C1orf21: variants seen among roughly 807,000 people sequenced by gnomAD.
C1orf21 encodes uncharacterized protein C1orf21.
C1orf21 carries 3 observed loss-of-function variants against 18.7 expected under a neutral mutation model. The ratio of observed to expected loss-of-function variants is 0.16; its 90% CI spans 0.07 to 0.42. The LOEUF is 0.42. C1orf21 is among the 10% of genes least tolerant of loss of function. The pLI, the probability that C1orf21 is intolerant of heterozygous loss-of-function variation, is 0.99. For synonymous variants in C1orf21, 41 were observed against 46.4 expected, an observed-to-expected ratio of 0.88 and a Z score of 0.47; for missense variants, 104 against 143.6, an observed-to-expected ratio of 0.72 and a Z score of 1.41.
At chr1:184,467,731 A>G (rs904273430) in intron 1 of C1orf21, among the ~76,000 whole-genome samples, 2 of 152,162 alleles carry the variant, frequency 1.3e-5, no homozygotes, top group Non-Finnish European at 2.9e-5. Context: ...CTATTCCATT[A>G]CATAATAATG....
chr1:184,414,901 G>A (rs1404941927), intron 1 of C1orf21, among the ~76,000 whole-genome samples: 1 of 152,132 alleles, frequency 6.6e-6, no homozygotes, highest in African/African-American at 2.4e-5. Context: ...TTTTGTGTGG[G>A]GGGAAAGCAA....
intron 3 of C1orf21, among the ~76,000 whole-genome samples, chr1:184,582,666 A>G (rs901452018): frequency 5.9e-5 from 9 of 152,230 alleles, no homozygotes; most frequent in African/African-American, 2.2e-4. Flanking sequence ...AGGGAACCTT[A>G]CAGGGCAACA....
intron 1 of C1orf21, among the ~76,000 whole-genome samples, chr1:184,471,172 C>T (rs1004017531): frequency 6.6e-6 from 1 of 152,136 alleles, no homozygotes; most frequent in African/African-American, 2.4e-5. Flanking sequence ...ATTGCACCAA[C>T]TTTTTCTAAC....
Position 184,561,934 on chromosome 1 carries a change from C to T in C1orf21, c.190-28805C>T, listed in dbSNP as rs138627130. Among the ~76,000 whole-genome samples, 346 of 152,110 alleles carry T rather than the reference C, an allele frequency of 2.3e-3. 3 individuals are homozygous for T. The highest frequency in any genetic ancestry group is 6.9e-3 in the African/African-American group (285 of 41,494). On this transcript the variant is annotated intron_variant, in intron 3 of 5. Transcript: ENST00000235307. The stretch of plus-strand genomic sequence containing the variant: ...AAACATGTTCCTTTGGGCACTTCCC[C>T]CCACCCCCAGTTTTCTTTCTTTCTT...
intron 1 of C1orf21, among the ~76,000 whole-genome samples, chr1:184,421,498 A>T (rs1470047269): frequency 5.3e-5 from 8 of 152,232 alleles, no homozygotes. Flanking sequence ...AATATTCAAC[A>T]TATGCCAGCA....
chr1:184,407,360 G>A (rs546545312), intron 1 of C1orf21, among the ~76,000 whole-genome samples: 5 of 152,076 alleles, frequency 3.3e-5, no homozygotes, highest in Admixed American at 2.6e-4. Context: ...TCTAAAATGG[G>A]AAAAAAATGA....
intron 3 of C1orf21, among the ~76,000 whole-genome samples, chr1:184,589,522 A>G (rs6424958): frequency 0.58 from 88,733 of 152,104 alleles, 28,088 homozygotes; most frequent in African/African-American, 0.85. Flanking sequence ...GTGTTCATCT[A>G]CTGTTCCCTG....
At chr1:184,608,207 T>C (rs1217652316) in intron 5 of C1orf21, among the ~76,000 whole-genome samples, 1 of 152,204 alleles carries the variant, frequency 6.6e-6, no homozygotes, top group Non-Finnish European at 1.5e-5. Flanking sequence ...GGTGGGAATA[T>C]AGTGTCTTTA....
At chr1:184,555,795 T>C (rs1658870108) in intron 3 of C1orf21, among the ~76,000 whole-genome samples, 1 of 152,144 alleles carries the variant, frequency 6.6e-6, no homozygotes, top group African/African-American at 2.4e-5. Flanking sequence ...TCTTCTGACT[T>C]AGCTAAACAA....
intron 2 of C1orf21, among the ~76,000 whole-genome samples, chr1:184,488,723 G>T (rs1657769248): frequency 6.6e-6 from 1 of 152,228 alleles, no homozygotes; most frequent in Non-Finnish European, 1.5e-5. Context: ...CCAGCACTTT[G>T]GGAGGCCGAG....
intron 1 of C1orf21, among the ~76,000 whole-genome samples, chr1:184,456,296 G>T (rs1207678280): frequency 6.6e-6 from 1 of 152,122 alleles, no homozygotes; most frequent in Non-Finnish European, 1.5e-5. Flanking sequence ...TCTATGCTTA[G>T]TTATATTTTC....
chr1:184,551,198 A>G (rs1658807581), intron 3 of C1orf21, among the ~76,000 whole-genome samples: 1 of 152,032 alleles, frequency 6.6e-6, no homozygotes, highest in Non-Finnish European at 1.5e-5. Flanking sequence ...ACCAAAATAA[A>G]CTCCAGGCGA....
intron 3 of C1orf21, among the ~76,000 whole-genome samples, chr1:184,537,799 C>T (rs182391785): frequency 4.5e-4 from 68 of 152,136 alleles, no homozygotes; most frequent in African/African-American, 1.5e-3. Context: ...TACAGGCATG[C>T]GCTACCATGC....
intron 5 of C1orf21, among the ~76,000 whole-genome samples, chr1:184,619,199 C>T (rs1659877995): frequency 6.6e-6 from 1 of 152,110 alleles, no homozygotes; most frequent in Non-Finnish European, 1.5e-5. Context: ...AAATTGATCT[C>T]CTGAATGGAT....
intron 3 of C1orf21, among the ~76,000 whole-genome samples, chr1:184,551,943 T>TAAAA (rs5779224): frequency 3.4e-4 from 47 of 139,816 alleles, no homozygotes; most frequent in African/African-American, 1.1e-3. Context: ...GACCCTGTCT[T>TAAAA]AAAAAAAAAA....
intron 5 of C1orf21, among the ~76,000 whole-genome samples, chr1:184,613,130 A>G (rs866596401): frequency 1.1e-4 from 16 of 152,290 alleles, no homozygotes; most frequent in Middle Eastern, 6.8e-3. Context: ...TTGTATTTTT[A>G]GTAGAGATGG....
chr1:184,394,998 C>G (rs947989408), intron 1 of C1orf21, among the ~76,000 whole-genome samples: 6 of 152,024 alleles, frequency 3.9e-5, no homozygotes, highest in African/African-American at 1.5e-4. Flanking sequence ...CCTGCCTCAC[C>G]CTGGGATATC....
At chr1:184,436,776 T>C (rs1321685762) in intron 1 of C1orf21, among the ~76,000 whole-genome samples, 3 of 152,152 alleles carry the variant, frequency 2.0e-5, no homozygotes, top group Admixed American at 2.0e-4. Flanking sequence ...GTGCTGGGAA[T>C]ATGGCTGCAG....
intron 1 of C1orf21, among the ~76,000 whole-genome samples, chr1:184,415,677 C>T (rs1424141905): frequency 1.3e-5 from 2 of 152,058 alleles, no homozygotes; most frequent in South Asian, 2.1e-4. Flanking sequence ...AGTTAGAAAG[C>T]CACCTCCTAT....
Sources: gnomAD v4.1 joint callset for allele counts (sites outside exome capture counted in the v4.1 genomes callset) on GRCh38, gnomAD v4.1.1 for gene constraint, MANE v1.5 for transcripts, NCBI Gene and HGNC (gene_info 2026-07-23, HGNC 2026-07-21) for gene names.